The following TBC1D22A variants were observed in gnomAD, a reference collection of about 807,000 sequenced individuals.
TBC1D22A encodes putative GTPase activator.
A neutral mutation model predicts 60.2 loss-of-function variants in TBC1D22A; 38 were observed. That is an observed-to-expected ratio of 0.63 (90% CI 0.49 to 0.83). The LOEUF is 0.83. Ranked by LOEUF, TBC1D22A falls within the 40% of genes least tolerant of loss-of-function variation. The probability of loss-of-function intolerance (pLI) is 0.00; values close to 1 mark genes in which losing one functional copy is unlikely to be tolerated. For synonymous variants in TBC1D22A, 302 were observed against 281.7 expected, an observed-to-expected ratio of 1.07 and a Z score of -0.72; for missense variants, 628 against 701.0, an observed-to-expected ratio of 0.90 and a Z score of 1.18.
chr22:47,038,488 C>G (rs1400112694), intron 11 of TBC1D22A, among the ~76,000 whole-genome samples: 2 of 152,206 alleles, frequency 1.3e-5, no homozygotes, highest in South Asian at 2.1e-4. Context: ...GGGGGTCATT[C>G]TGACCAGCTG....
chr22:46,865,565 G>A (rs2067010749), intron 4 of TBC1D22A, among the ~76,000 whole-genome samples: 1 of 152,186 alleles, frequency 6.6e-6, no homozygotes, highest in South Asian at 2.1e-4. Context: ...ACTCCTAGGT[G>A]CACAACACAC....
intron 11 of TBC1D22A, among the ~76,000 whole-genome samples, chr22:47,105,039 C>T (rs987080131): frequency 1.3e-5 from 2 of 152,106 alleles, no homozygotes; most frequent in Non-Finnish European, 2.9e-5. Context: ...CCCCCTTGGG[C>T]ACATGCTCTC....
At chr22:46,831,304 C>T (rs73468744) in intron 4 of TBC1D22A, among the ~76,000 whole-genome samples, 4,265 of 152,158 alleles carry the variant, frequency 0.028, 207 homozygotes, top group African/African-American at 0.098. Context: ...CAGCAACTCT[C>T]CAGAGTAGAT....
chr22:46,861,476 C>G (rs1231810211), intron 4 of TBC1D22A, among the ~76,000 whole-genome samples: 1 of 152,172 alleles, frequency 6.6e-6, no homozygotes, highest in African/African-American at 2.4e-5. Context: ...GGCCGGAGAC[C>G]CCAGGGGGCC....
intron 11 of TBC1D22A, among the ~76,000 whole-genome samples, chr22:47,039,630 G>A (rs1386685539): frequency 1.4e-5 from 2 of 144,194 alleles, no homozygotes. Flanking sequence ...ATGATGCAGA[G>A]ATAGCCCAGA....
chr22:47,107,283 G>A (rs767181094), intron 11 of TBC1D22A, among the ~76,000 whole-genome samples: 3 of 152,168 alleles, frequency 2.0e-5, no homozygotes, highest in African/African-American at 7.2e-5. Flanking sequence ...TGGAAACCTC[G>A]AAATGAGAGC....
At chr22:47,136,729 C>T (rs1023761397) in intron 12 of TBC1D22A, among the ~76,000 whole-genome samples, 31 of 152,216 alleles carry the variant, frequency 2.0e-4, no homozygotes, top group African/African-American at 7.0e-4. Context: ...CCCCGTGGGA[C>T]CAGGACTGCT....
chr22:46,768,345 C>A (rs897083436), intron 1 of TBC1D22A, among the ~76,000 whole-genome samples: 1 of 151,920 alleles, frequency 6.6e-6, no homozygotes, highest in Admixed American at 6.6e-5. Flanking sequence ...GTTAGCCAGG[C>A]GTGGTGGCAG....
chr22:46,904,770 GA>G (rs895993363), intron 7 of TBC1D22A, among the ~76,000 whole-genome samples: 2 of 149,574 alleles, frequency 1.3e-5, no homozygotes, highest in African/African-American at 4.9e-5. Flanking sequence ...ACCCGGCCGA[GA>G]AAATTTTTTT....
chr22:46,894,557 T>G (rs1602351877), intron 6 of TBC1D22A, among the ~76,000 whole-genome samples: 1 of 152,162 alleles, frequency 6.6e-6, no homozygotes, highest in Non-Finnish European at 1.5e-5. Context: ...ATAGGGACAG[T>G]GTCAAGCAAG....
intron 10 of TBC1D22A, among the ~76,000 whole-genome samples, chr22:47,034,401 C>T (rs2062586543): frequency 6.6e-6 from 1 of 152,214 alleles, no homozygotes. Flanking sequence ...GAGTCTCTGA[C>T]ATCCCACCTG....
At chr22:47,168,247 T>C (rs1249541754) in intron 12 of TBC1D22A, among the ~76,000 whole-genome samples, 1 of 145,564 alleles carries the variant, frequency 6.9e-6, no homozygotes, top group Non-Finnish European at 1.5e-5. Context: ...GTGGGCTCGG[T>C]TTTGGGGATA....
chr22:46,891,368 G>A lies in TBC1D22A; in HGVS notation c.811G>A (p.Glu271Lys), dbSNP rs779768621. 15 of 1,612,458 alleles carry A rather than the reference G, an allele frequency of 9.3e-6. No homozygotes were observed. The South Asian group carries it at 9.9e-5, about 11-fold the overall frequency. Reference sequence around the variant, plus strand: ...GCACTATTACGATTCTAGGAACGACGAAGTTCACCAGGACACATACAGGCA... The same window carrying A: ...GCACTATTACGATTCTAGGAACGACAAAGTTCACCAGGACACATACAGGCA... ...IEHYYDSRND[E>K]VHQDTYRQIH... Residue 271 changes from glutamate to lysine, a missense_variant, in exon 6 of 13, where the codon GAA becomes AAA. Transcript: ENST00000337137.
At chr22:46,849,806 G>A (rs1345722501) in intron 4 of TBC1D22A, among the ~76,000 whole-genome samples, 2 of 152,172 alleles carry the variant, frequency 1.3e-5, no homozygotes, top group Admixed American at 6.5e-5. Flanking sequence ...GCCTGGTCCC[G>A]TAGTTTCTCT....
At chr22:47,151,914 A>C (rs569108444) in intron 12 of TBC1D22A, among the ~76,000 whole-genome samples, 1 of 152,130 alleles carries the variant, frequency 6.6e-6, no homozygotes, top group African/African-American at 2.4e-5. Context: ...GGGGCCAGCA[A>C]TGTCACCTCT....
chr22:46,779,562 A>T (rs551420112), intron 1 of TBC1D22A, among the ~76,000 whole-genome samples: 3 of 152,270 alleles, frequency 2.0e-5, no homozygotes, highest in African/African-American at 7.2e-5. Context: ...CCTGGCCAGG[A>T]CAATTTCAAA....
At position 47,132,349 on chromosome 22, in the gene TBC1D22A, C is replaced by T. The variant is rs559519391; in HGVS notation, c.1425+20746C>T. The stretch of plus-strand genomic sequence containing the variant: ...GCCTGCCCCTACTCCTGCTTCCTTC[C>T]GATCCACCTTCCAGAATGCAGCCAG... On this transcript the variant is annotated intron_variant, in intron 12 of 12. Coordinates refer to ENST00000337137, the MANE Select transcript of TBC1D22A (RefSeq NM_014346.5). 5.3e-5 allele frequency among the ~76,000 whole-genome samples: 8 copies of T among 152,356 alleles called. No individual in the cohort carries two copies. In the East Asian group the frequency reaches 1.4e-3, roughly 26 times the overall value.
chr22:47,119,400 T>G (rs1178888177), intron 12 of TBC1D22A, among the ~76,000 whole-genome samples: 2 of 152,174 alleles, frequency 1.3e-5, no homozygotes, highest in African/African-American at 2.4e-5. Flanking sequence ...CATCAGTGAC[T>G]TCTGTGCAGG....
rs951537372 is a variant in TBC1D22A, at chr22:47,134,961, C to G, written c.1425+23358C>G. Among the ~76,000 whole-genome samples, 18 of 152,360 alleles carry G rather than the reference C, an allele frequency of 1.2e-4. 1 individual carries two copies. Among genetic ancestry groups the G allele is most frequent in the African/African-American group, 4.3e-4 (18 of 41,586 alleles). The stretch of plus-strand genomic sequence containing the variant: ...TTCCAGCCTGGGCTGTGCCTTTGCC[C>G]ACCACCTCCATGCCTGAAGGGCTGG... On this transcript the variant is annotated intron_variant, in intron 12 of 12. Transcript: ENST00000337137.
Sources: gnomAD v4.1 joint callset for allele counts (sites outside exome capture counted in the v4.1 genomes callset) on GRCh38, gnomAD v4.1.1 for gene constraint, MANE v1.5 for transcripts, NCBI Gene and HGNC (gene_info 2026-07-23, HGNC 2026-07-21) for gene names.